PTK2B: variants seen among roughly 807,000 people sequenced by gnomAD.
PTK2B encodes the protein protein-tyrosine kinase 2-beta.
PTK2B carries 71 observed loss-of-function variants against 142.9 expected under a neutral mutation model. The ratio of observed to expected loss-of-function variants is 0.50; its 90% CI spans 0.41 to 0.61. PTK2B has a LOEUF of 0.61. Among genes scored for constraint, PTK2B ranks in the 20% least tolerant of loss-of-function variants. The pLI is 0.00. For missense variants in PTK2B, 1,105 were observed against 1,320.4 expected (o/e 0.84, Z 2.53); for synonymous variants, 519 against 503.4 (o/e 1.03, Z -0.42).
intron 1 of PTK2B, among the ~76,000 whole-genome samples, chr8:27,361,802 G>A (rs1409343985): frequency 1.3e-5 from 2 of 152,248 alleles, no homozygotes; most frequent in Non-Finnish European, 2.9e-5. Flanking sequence ...TCTGTATGTG[G>A]ATGGACTAGG....
At chr8:27,360,933 G>T (rs1001641965) in intron 1 of PTK2B, among the ~76,000 whole-genome samples, 1 of 152,086 alleles carries the variant, frequency 6.6e-6, no homozygotes, top group Admixed American at 6.5e-5. Context: ...GTGATGTCTG[G>T]GTCCCAGGAA....
At chr8:27,358,557 T>C (rs1270707116) in intron 1 of PTK2B, among the ~76,000 whole-genome samples, 1 of 152,186 alleles carries the variant, frequency 6.6e-6, no homozygotes, top group Non-Finnish European at 1.5e-5. Context: ...CTTAATGTTT[T>C]TAGGTTTGCT....
chr8:27,427,397 G>A (rs1329221276), intron 5 of PTK2B, among the ~76,000 whole-genome samples: 3 of 152,178 alleles, frequency 2.0e-5, no homozygotes, highest in Admixed American at 1.3e-4. Flanking sequence ...CCGTGCACCA[G>A]ATTGTGAAAA....
intron 2 of PTK2B, among the ~76,000 whole-genome samples, chr8:27,401,119 A>G (rs1210180839): frequency 6.8e-6 from 1 of 147,500 alleles, no homozygotes; most frequent in Non-Finnish European, 1.5e-5. Flanking sequence ...AGCCCAGGTG[A>G]CAGTGTGAGA....
chr8:27,330,625 A>AG (rs780778060), intron 1 of PTK2B, among the ~76,000 whole-genome samples: 1 of 152,118 alleles, frequency 6.6e-6, no homozygotes, highest in African/African-American at 2.4e-5. Context: ...GAGCTGTGCA[A>AG]GGGGGCGGCA....
intron 8 of PTK2B, 71 bp downstream of exon 8, chr8:27,431,087 G>C: frequency 1.3e-6 from 2 of 1,559,648 alleles, no homozygotes; most frequent in South Asian, 2.4e-5. Context: ...GGCCAGGAGG[G>C]GGCAGGGAGA....
chr8:27,372,220 G>T lies in PTK2B; in HGVS notation c.-37-25328G>T, dbSNP rs138307586. Reference sequence around the variant, plus strand: ...AGGCGTAACTGTCTTTTAATTAAAGGGAGTGTATTAGTCCAAGTTCCCCAG... The same window carrying T: ...AGGCGTAACTGTCTTTTAATTAAAGTGAGTGTATTAGTCCAAGTTCCCCAG... On this transcript the variant is annotated intron_variant, in intron 1 of 30. Coordinates refer to ENST00000346049, the MANE Select transcript of PTK2B (RefSeq NM_173176.3). 3.3e-4 allele frequency among the ~76,000 whole-genome samples: 50 copies of T among 152,270 alleles called. No homozygotes were observed. The East Asian group carries it at 8.7e-3, about 26-fold the overall frequency.
At chr8:27,321,400 T>C (rs536199251), upstream of PTK2B, among the ~76,000 whole-genome samples, 2 of 152,358 alleles carry the variant, frequency 1.3e-5, no homozygotes, top group South Asian at 4.1e-4. Flanking sequence ...GTATCACCGA[T>C]GCAGTTCAGG....
intron 1 of PTK2B, among the ~76,000 whole-genome samples, chr8:27,374,618 G>T (rs1183080548): frequency 6.6e-6 from 1 of 152,344 alleles, no homozygotes; most frequent in East Asian, 1.9e-4. Context: ...CTACTCTGGG[G>T]TGATTAGGAC....
At chr8:27,420,566 G>C in intron 3 of PTK2B, 91 bp from the exon 4 acceptor site, 1 of 1,237,750 alleles carries the variant, frequency 8.1e-7, no homozygotes, top group South Asian at 1.2e-5. Flanking sequence ...TTTGCACTAG[G>C]GGATGGGCTT....
At chr8:27,365,100 G>A (rs753462825) in intron 1 of PTK2B, among the ~76,000 whole-genome samples, 2 of 152,190 alleles carry the variant, frequency 1.3e-5, no homozygotes, top group African/African-American at 2.4e-5. Context: ...CAGCCTGGAA[G>A]GTCCAACTCA....
chr8:27,339,992 G>A (rs1168098032), intron 1 of PTK2B, among the ~76,000 whole-genome samples: 1 of 152,202 alleles, frequency 6.6e-6, no homozygotes, highest in Non-Finnish European at 1.5e-5. Flanking sequence ...TTTCCTTTCG[G>A]CTTTAAACAT....
intron 1 of PTK2B, among the ~76,000 whole-genome samples, chr8:27,364,330 A>C (rs1276326635): frequency 6.6e-6 from 1 of 152,246 alleles, no homozygotes; most frequent in Non-Finnish European, 1.5e-5. Context: ...CTCCTCCAAG[A>C]ATTCCAGGTC....
intron 1 of PTK2B, among the ~76,000 whole-genome samples, chr8:27,378,822 C>G (rs775225412): frequency 3.3e-5 from 5 of 152,188 alleles, no homozygotes; most frequent in Non-Finnish European, 5.9e-5. Context: ...CAGTTCCCCT[C>G]CTCACTGGCT....
In PTK2B at chr8:27,397,736, A is replaced by T. The variant is rs753036914; in HGVS notation, c.152A>T (p.Asn51Ile). ...LKVCFYSNSF[N>I]PGKNFKLVKC... is the part of the protein sequence containing the mutation. ...GTCTGCTTCTATAGCAACAGCTTCA[A>T]TCCTGGGAAAAACTTCAAACTGGTC... The change falls in exon 2 of 31, where the codon AAT becomes ATT. Residue 51 changes from asparagine (N) to isoleucine (I), a missense_variant. Physicochemically the swap from Asn to Ile is moderately radical, Grantham distance 149. Coordinates refer to ENST00000346049, the MANE Select transcript of PTK2B (RefSeq NM_173176.3). 4 of 1,614,134 alleles carry T rather than the reference A, an allele frequency of 2.5e-6. No homozygotes were observed. The African/African-American group carries it at 4.0e-5, about 16-fold the overall frequency.
chr8:27,408,292 A>G (rs945828513), intron 2 of PTK2B, among the ~76,000 whole-genome samples: 9 of 152,220 alleles, frequency 5.9e-5, no homozygotes, highest in African/African-American at 2.2e-4. Context: ...ACATTGTTGG[A>G]CTATAGGTCA....
chr8:27,431,115 A>G, intron 8 of PTK2B, 99 bp downstream of exon 8: 1 of 1,519,892 alleles, frequency 6.6e-7, no homozygotes, highest in South Asian at 1.3e-5. Flanking sequence ...ATCGCTGCAG[A>G]TTCTCACTCA....
At position 27,432,387 on chromosome 8, in the gene PTK2B, C is replaced by T. The variant is rs1322312464; in HGVS notation, c.987+26C>T. The T allele has an allele frequency of 1.4e-5, 22 of 1,602,706 alleles. No individual in the cohort carries two copies. The Admixed American group carries it at 3.5e-4, about 26-fold the overall frequency. On this transcript the variant is annotated intron_variant, in intron 10 of 30. Transcript: ENST00000346049. Reference sequence around the variant, plus strand: ...GTGAGTGTCTCTGGGCACTGGGCACCTGGCAGCTCTGCAGGGGGTATAATG... The same window carrying T: ...GTGAGTGTCTCTGGGCACTGGGCACTTGGCAGCTCTGCAGGGGGTATAATG...
chr8:27,395,170 G>A (rs1426085279), intron 1 of PTK2B, among the ~76,000 whole-genome samples: 2 of 152,098 alleles, frequency 1.3e-5, no homozygotes, highest in African/African-American at 4.8e-5. Context: ...TCATTATCAA[G>A]TGTTATGTAC....
Sources: gnomAD v4.1 joint callset for allele counts (sites outside exome capture counted in the v4.1 genomes callset) on GRCh38, gnomAD v4.1.1 for gene constraint, MANE v1.5 for transcripts, NCBI Gene and HGNC (gene_info 2026-07-23, HGNC 2026-07-21) for gene names.